Variants in UBR1 observed in about 807,000 individuals in gnomAD.
UBR1 encodes the protein E3 ubiquitin-protein ligase UBR1.
UBR1 carries 102 observed loss-of-function variants against 242.1 expected under a neutral mutation model. The ratio of observed to expected loss-of-function variants is 0.42; its 90% CI spans 0.36 to 0.50. The LOEUF (loss-of-function observed/expected upper bound fraction) is 0.50. Among genes scored for constraint, UBR1 ranks in the 20% least tolerant of loss-of-function variants. UBR1 has a pLI of 0.01. For synonymous variants in UBR1, 675 were observed against 684.8 expected, an observed-to-expected ratio of 0.99 and a Z score of 0.22; for missense variants, 1,772 against 2,101.8, an observed-to-expected ratio of 0.84 and a Z score of 3.07.
At chr15:43,008,124 C>G (rs1354522718) in intron 29 of UBR1, among the ~76,000 whole-genome samples, 2 of 152,256 alleles carry the variant, frequency 1.3e-5, no homozygotes, top group East Asian at 3.8e-4. Context: ...TGGTATTATT[C>G]TGTCTAGAGC....
At chr15:43,027,864 T>C (rs745317521) in intron 21 of UBR1, 36 bp from the exon 22 acceptor site, 4 of 1,505,112 alleles carry the variant, frequency 2.7e-6, no homozygotes, top group Non-Finnish European at 3.7e-6. Context: ...TTTACCTTCA[T>C]ATAATGACTT....
chr15:43,061,830 G>A (rs768560343), intron 6 of UBR1, among the ~76,000 whole-genome samples: 4 of 151,962 alleles, frequency 2.6e-5, no homozygotes, highest in Non-Finnish European at 5.9e-5. Context: ...GGGGGAAGAG[G>A]GATAAAAGAC....
In UBR1 at chr15:42,976,813, G is replaced by C. The variant is rs762422694; in HGVS notation, c.4273C>G (p.Gln1425Glu). 26 of 1,613,934 alleles carry C rather than the reference G, an allele frequency of 1.6e-5. No homozygotes were observed. The African/African-American group carries it at 3.2e-4, about 20-fold the overall frequency. ...TAGGAAGAACTAACTGAAGAAGGCT[G>C]CAGATCAACAGGGTCATCCCAATAC... ...SLYWDDPVDLQPSSVSSSYNH... is the reference protein window; with the variant it reads ...SLYWDDPVDLEPSSVSSSYNH... The change falls in exon 39 of 47, where the codon CAG (glutamine) becomes GAG (glutamate). Residue 1425 changes from glutamine to glutamate, a missense_variant. Gln to Glu is a conservative substitution (Grantham distance 29). This residue lies in a region of UBR1 where 965 missense variants were observed against 1,079.7 expected (regional missense o/e 0.89). Coordinates refer to ENST00000290650, the MANE Select transcript of UBR1 (RefSeq NM_174916.3).
At chr15:42,998,103 A>T in intron 33 of UBR1, 65 bp downstream of exon 33, 1 of 1,373,116 alleles carries the variant, frequency 7.3e-7, no homozygotes, top group South Asian at 1.3e-5. Context: ...CCCAATAATT[A>T]TTTAAAAAAA....
chr15:43,027,955 A>C, intron 21 of UBR1, 127 bp from the exon 22 acceptor site: 2 of 849,992 alleles, frequency 2.4e-6, no homozygotes, highest in Non-Finnish European at 3.7e-6. Flanking sequence ...ATCAATTTCC[A>C]CTATTAAAAA....
intron 4 of UBR1, among the ~76,000 whole-genome samples, chr15:43,073,399 C>T (rs1423159834): frequency 6.6e-6 from 1 of 152,144 alleles, no homozygotes; most frequent in African/African-American, 2.4e-5. Context: ...TCAAATATTT[C>T]CTTATGGTTG....
intron 1 of UBR1, among the ~76,000 whole-genome samples, chr15:43,098,637 T>C (rs1179960260): frequency 1.3e-5 from 2 of 151,604 alleles, no homozygotes; most frequent in Admixed American, 6.6e-5. Context: ...TTTCCAGCAC[T>C]AGCACATCTA....
rs144923922 is a variant in UBR1, at chr15:43,029,125, G to GCACACACACACACACA, written c.2379+818_2379+819insTGTGTGTGTGTGTGTG. On this transcript the variant is annotated intron_variant, in intron 21 of 46. Coordinates refer to ENST00000290650, the MANE Select transcript of UBR1 (RefSeq NM_174916.3). ...TAAATAAAAACAAATACACACACAC[G>GCACACACACACACACA]CACACACACACACATCTCTATTCTA... is the stretch of plus-strand genomic sequence containing the variant. 8.6e-3 allele frequency among the ~76,000 whole-genome samples: 1,306 copies of GCACACACACACACACA among 151,058 alleles called. 14 individuals are homozygous for GCACACACACACACACA. The highest frequency in any genetic ancestry group is 0.03 in the African/African-American group (1,240 of 41,102).
At chr15:43,061,164 A>G (rs1250907243) in intron 6 of UBR1, among the ~76,000 whole-genome samples, 1 of 152,194 alleles carries the variant, frequency 6.6e-6, no homozygotes, top group Non-Finnish European at 1.5e-5. Context: ...GCTGCTGATC[A>G]TGGTGGATGG....
In UBR1 at chr15:42,960,653, G is replaced by C. The variant is rs376331294; in HGVS notation, c.4749C>G (p.Thr1583=). ...ALLNCLKQKN[T]VVRYPRKRNS... is the part of the protein sequence containing the mutation. ...TAAGTAGTAAAACCAACCTGACCAC[G>C]GTGTTTTTTTGCTTCAAACAGTTTA... The change falls in exon 43 of 47, where the codon ACC becomes ACG. Residue 1583 remains threonine (T), a synonymous_variant. Transcript: ENST00000290650. 1.9e-6 allele frequency: 3 copies of C among 1,613,944 alleles called. No individual in the cohort carries two copies. Among genetic ancestry groups the C allele is most frequent in the East Asian group, 4.5e-5 (2 of 44,860 alleles).
At position 43,043,470 on chromosome 15, in the gene UBR1, C is replaced by A. The variant is rs920801781; in HGVS notation, c.1669-75G>T. 4.2e-6 allele frequency: 6 copies of A among 1,425,986 alleles called. No individual in the cohort carries two copies. In the African/African-American group the frequency reaches 8.5e-5, roughly 20 times the overall value. The allele number at this position is 1,425,986 out of a possible 1,614,324, so 88.3% of individuals were successfully genotyped here. On this transcript the variant is annotated intron_variant, in intron 14 of 46. Coordinates refer to ENST00000290650, the MANE Select transcript of UBR1 (RefSeq NM_174916.3). ...CTTTTTTTGTTTTGTTTTGAGACAG[C>A]CTGTCCTGTGGCCTAGGCTGGAGTA... is the stretch of plus-strand genomic sequence containing the variant.
At chr15:42,980,267 A>G (rs1308622605) in intron 37 of UBR1, among the ~76,000 whole-genome samples, 2 of 152,232 alleles carry the variant, frequency 1.3e-5, no homozygotes, top group African/African-American at 2.4e-5. Flanking sequence ...TGTTGAAATC[A>G]AAAGTCAATT....
chr15:43,069,842 T>C lies in UBR1; in HGVS notation c.659+953A>G, dbSNP rs572522490. Among the ~76,000 whole-genome samples, 171 of 152,316 alleles carry C rather than the reference T, an allele frequency of 1.1e-3. 1 individual carries two copies. The highest frequency in any genetic ancestry group is 0.01 in the Middle Eastern group (3 of 294). On this transcript the variant is annotated intron_variant, in intron 5 of 46. Transcript: ENST00000290650. The stretch of plus-strand genomic sequence containing the variant: ...TTTTTTATGGGCAGATGGCTCATAT[T>C]ATGTTTACCAACATAAAGTGACTTA...
At chr15:42,982,452 A>C (rs892323188) in intron 37 of UBR1, among the ~76,000 whole-genome samples, 2 of 152,228 alleles carry the variant, frequency 1.3e-5, no homozygotes, top group African/African-American at 4.8e-5. Flanking sequence ...AAAACTTTTA[A>C]GTGTGTGACT....
At chr15:43,023,910 C>T (rs1211012786) in intron 25 of UBR1, among the ~76,000 whole-genome samples, 1 of 152,102 alleles carries the variant, frequency 6.6e-6, no homozygotes, top group Non-Finnish European at 1.5e-5. Flanking sequence ...TAAGAACGTA[C>T]ATTTTATTGT....
intron 1 of UBR1, 135 bp from the exon 2 acceptor site, chr15:43,086,375 A>C (rs771028726): frequency 2.9e-5 from 31 of 1,064,404 alleles, no homozygotes; most frequent in Non-Finnish European, 3.4e-5. Flanking sequence ...TACAGAAGGA[A>C]AGTGGGTGAT....
chr15:43,054,252 G>A (rs1043867049), intron 12 of UBR1, among the ~76,000 whole-genome samples: 3 of 152,062 alleles, frequency 2.0e-5, no homozygotes, highest in African/African-American at 7.2e-5. Flanking sequence ...ATGGGAGGCT[G>A]AGGCAGGAGG....
chr15:43,096,178 T>C (rs1176843148), intron 1 of UBR1, among the ~76,000 whole-genome samples: 7 of 151,684 alleles, frequency 4.6e-5, no homozygotes, highest in Non-Finnish European at 8.8e-5. Flanking sequence ...TTCTCTCTTT[T>C]TTTTTTTTTT....
intron 41 of UBR1, among the ~76,000 whole-genome samples, chr15:42,965,621 T>C (rs1384323925): frequency 6.6e-6 from 1 of 152,062 alleles, no homozygotes; most frequent in Non-Finnish European, 1.5e-5. Flanking sequence ...TATGCCACCA[T>C]GCCCAGCTAA....
Sources: allele counts gnomAD v4.1 joint callset (sites outside exome capture counted in the v4.1 genomes callset), GRCh38; gene constraint gnomAD v4.1.1; regional missense constraint gnomAD v4.1.1; transcripts MANE v1.5; gene names NCBI Gene and HGNC (gene_info 2026-07-23, HGNC 2026-07-21).